The following FAM161A variants were observed in gnomAD, a reference collection of about 807,000 sequenced individuals.
The protein encoded by FAM161A is FAM161 centrosomal protein A.
Under a neutral mutation model 70.9 loss-of-function variants are expected in FAM161A, and 57 were observed. The ratio of observed to expected loss-of-function variants is 0.80; its 90% CI spans 0.65 to 1.00. FAM161A has a LOEUF of 1.00. Among genes scored for constraint, FAM161A ranks in the 50% least tolerant of loss-of-function variants. The pLI, the probability that FAM161A is intolerant of heterozygous loss-of-function variation, is 0.00. For synonymous variants in FAM161A, 299 were observed against 295.7 expected (o/e 1.01, Z -0.12); for missense variants, 880 against 836.0 (o/e 1.05, Z -0.65).
rs970737375 is a variant in FAM161A, at chr2:61,840,153, G to A, written c.851C>T (p.Ala284Val). The A allele has an allele frequency of 6.2e-7, 1 of 1,613,968 alleles. No individual in the cohort carries two copies. Among genetic ancestry groups the A allele is most frequent in the African/African-American group, 1.3e-5 (1 of 74,904 alleles). ...AAAGACAGATGCAGGAACTGGATTG[G>A]CTCGGAATTTCTTCTTATACTCTGG... ...EDPEYKKKFR[A>V]NPVPASVFLP... is the part of the protein sequence containing the mutation. Residue 284 changes from alanine (A) to valine (V), a missense_variant, in exon 3 of 7, where the codon GCC becomes GTC. By Grantham distance (64) the Ala-to-Val change is moderately conservative. Transcript: ENST00000404929.
At chr2:61,831,755 A>T (rs1009620615) in intron 5 of FAM161A, among the ~76,000 whole-genome samples, 1 of 152,150 alleles carries the variant, frequency 6.6e-6, no homozygotes, top group African/African-American at 2.4e-5. Context: ...TGCTTAGTGG[A>T]GTGCTTGTCT....
downstream of FAM161A, among the ~76,000 whole-genome samples, chr2:61,821,725 T>C (rs568064001): frequency 2.6e-5 from 4 of 151,990 alleles, no homozygotes; most frequent in Non-Finnish European, 2.9e-5. Flanking sequence ...GGCCACTGCA[T>C]CTGTCAGAAA....
intron 5 of FAM161A, among the ~76,000 whole-genome samples, chr2:61,828,485 T>C (rs1672458106): frequency 6.6e-6 from 1 of 152,100 alleles, no homozygotes; most frequent in Admixed American, 6.5e-5. Context: ...CGTGCCACCA[T>C]GCCCAGCTAA....
chr2:61,822,544 C>T (rs761406046), downstream of FAM161A, among the ~76,000 whole-genome samples: 4 of 152,168 alleles, frequency 2.6e-5, no homozygotes, highest in Non-Finnish European at 5.9e-5. Flanking sequence ...TTGAGAAGGG[C>T]ATACATTTTT....
chr2:61,821,039 C>T (rs979170350), downstream of FAM161A, among the ~76,000 whole-genome samples: 5 of 151,908 alleles, frequency 3.3e-5, no homozygotes, highest in African/African-American at 1.2e-4. Context: ...ACATTTTATG[C>T]CTTGACTTTT....
chr2:61,838,775 T>A, intron 3 of FAM161A, 70 bp from the exon 4 acceptor site: 1 of 1,158,068 alleles, frequency 8.6e-7, no homozygotes, highest in Non-Finnish European at 1.1e-6. Context: ...AGATTTAACA[T>A]GGGATAATTT....
the FAM161A span, among the ~76,000 whole-genome samples, chr2:61,819,409 G>A: frequency 6.6e-6 from 1 of 152,174 alleles, no homozygotes. Flanking sequence ...GTTACAGTGA[G>A]CCATGATCCC....
chr2:61,823,686 C>G (rs541751522), downstream of FAM161A, among the ~76,000 whole-genome samples: 1 of 151,996 alleles, frequency 6.6e-6, no homozygotes, highest in South Asian at 2.1e-4. Flanking sequence ...TTTATAGATA[C>G]ATATATACGT....
At chr2:61,805,668 A>G in the FAM161A span, among the ~76,000 whole-genome samples, 5 of 152,172 alleles carry the variant, frequency 3.3e-5, no homozygotes, top group Admixed American at 6.5e-5. Flanking sequence ...GTTTGGCTTT[A>G]CCGAGCCAGG....
chr2:61,840,474 T>A lies in FAM161A; in HGVS notation c.530A>T (p.Glu177Val), dbSNP rs762854288. Residue 177 changes from glutamate to valine, a missense_variant, in exon 3 of 7, where the codon GAG (glutamate) becomes GTG (valine). Coordinates refer to ENST00000404929, the MANE Select transcript of FAM161A (RefSeq NM_001201543.2). Reference protein sequence around the residue: ...SSLYVSSSEEELPNLEKEYPR... With the variant: ...SSLYVSSSEEVLPNLEKEYPR... ...ATACTCTTTTTCTAGGTTGGGTAAC[T>A]CCTCTTCAGAGGAGGACACATACAA... is the stretch of plus-strand genomic sequence containing the variant. The A allele has an allele frequency of 1.2e-6, 2 of 1,614,040 alleles. No individual in the cohort carries two copies. Among genetic ancestry groups the A allele is most frequent in the Non-Finnish European group, 1.7e-6 (2 of 1,179,994 alleles).
downstream of FAM161A, chr2:61,820,203 G>A (rs1171924188): frequency 5.2e-6 from 3 of 572,878 alleles, no homozygotes; most frequent in South Asian, 2.0e-5. Flanking sequence ...CTGCTGTCAT[G>A]TCTAAGTCAG....
chr2:61,826,348 C>G lies in FAM161A; in HGVS notation c.*107G>C, dbSNP rs770289650. The G allele has an allele frequency of 8.1e-7, 1 of 1,239,132 alleles. No homozygotes were observed. The highest frequency in any genetic ancestry group is 1.3e-5 in the South Asian group (1 of 77,994). 76.8% of individuals were successfully genotyped at this position (1,239,132 alleles called of 1,614,324 possible). ...CTACAGATGACTTTGATCAACAGCC[C>G]TGCACATATCAGAAGCGTCCCCACA... On this transcript the variant is annotated 3_prime_UTR_variant, in exon 7 of 7. Transcript: ENST00000404929.
intron 1 of FAM161A, among the ~76,000 whole-genome samples, chr2:61,849,970 G>C (rs1673440049): frequency 6.6e-6 from 1 of 151,538 alleles, no homozygotes; most frequent in Non-Finnish European, 1.5e-5. Flanking sequence ...ACCACCAGGT[G>C]GGGAGGGAGG....
At chr2:61,800,962 C>G in the FAM161A span, among the ~76,000 whole-genome samples, 1 of 151,958 alleles carries the variant, frequency 6.6e-6, no homozygotes, top group Non-Finnish European at 1.5e-5. Context: ...CACCACCACA[C>G]CCAGCTAATT....
chr2:61,840,175 C>T lies in FAM161A; in HGVS notation c.829G>A (p.Glu277Lys). The change falls in exon 3 of 7, where the codon GAG (glutamate) becomes AAG (lysine). Residue 277 changes from glutamate to lysine, a missense_variant. Coordinates refer to ENST00000404929, the MANE Select transcript of FAM161A (RefSeq NM_001201543.2). ...TTGGCTCGGAATTTCTTCTTATACT[C>T]TGGATCCTCTTCTTGTTTTTTGAGC... ...KALKKQEEDPEYKKKFRANPV... is the reference protein window; with the variant it reads ...KALKKQEEDPKYKKKFRANPV... 1 of 1,614,148 alleles carries T rather than the reference C, an allele frequency of 6.2e-7. No individual in the cohort carries two copies. The highest frequency in any genetic ancestry group is 2.2e-5 in the East Asian group (1 of 44,886).
At chr2:61,822,814 TC>T (rs1672231175), downstream of FAM161A, among the ~76,000 whole-genome samples, 1 of 151,800 alleles carries the variant, frequency 6.6e-6, no homozygotes, top group Non-Finnish European at 1.5e-5. Flanking sequence ...GGTCTCAAAC[TC>T]CTGACCTCAG....
chr2:61,800,945 A>C, the FAM161A span, among the ~76,000 whole-genome samples: 1 of 151,962 alleles, frequency 6.6e-6, no homozygotes, highest in South Asian at 2.1e-4. Flanking sequence ...CTGGGATTAC[A>C]AGCGTGCACC....
chr2:61,804,754 G>C, the FAM161A span, among the ~76,000 whole-genome samples: 3 of 98,028 alleles, frequency 3.1e-5, no homozygotes, highest in African/African-American at 8.7e-5. Flanking sequence ...GGAAAAGAAA[G>C]AAAGAAAAAG....
At chr2:61,840,646 T>C in intron 2 of FAM161A, 65 bp from the exon 3 acceptor site, 1 of 1,293,926 alleles carries the variant, frequency 7.7e-7, no homozygotes, top group Non-Finnish European at 1.1e-6. Flanking sequence ...AAATTAAGAG[T>C]TACATATTTT....
Sources: allele counts gnomAD v4.1 joint callset (sites outside exome capture counted in the v4.1 genomes callset), GRCh38; gene constraint gnomAD v4.1.1; transcripts MANE v1.5; gene names NCBI Gene and HGNC (gene_info 2026-07-23, HGNC 2026-07-21).